INSC: variants seen among roughly 807,000 people sequenced by gnomAD.
INSC encodes the protein protein inscuteable homolog.
A neutral mutation model predicts 58.6 loss-of-function variants in INSC; 67 were observed. The observed-to-expected ratio is 1.14, with a 90% confidence interval of 0.94 to 1.40. The LOEUF (loss-of-function observed/expected upper bound fraction) is 1.40, where lower values mean the gene tolerates loss of function less well. INSC is among the 40% of genes most tolerant of loss of function. INSC has a pLI of 0.00. For missense variants in INSC, 714 were observed against 692.0 expected, an observed-to-expected ratio of 1.03 and a Z score of -0.36; for synonymous variants, 262 against 276.1, an observed-to-expected ratio of 0.95 and a Z score of 0.51.
At chr11:15,177,364 A>T (rs1849609024) in intron 4 of INSC, among the ~76,000 whole-genome samples, 1 of 152,198 alleles carries the variant, frequency 6.6e-6, no homozygotes, top group African/African-American at 2.4e-5. Flanking sequence ...GGGATAGGGT[A>T]AAAGGCAGAG....
At chr11:15,217,449 T>C (rs1012802849) in intron 7 of INSC, among the ~76,000 whole-genome samples, 1 of 152,140 alleles carries the variant, frequency 6.6e-6, no homozygotes. Flanking sequence ...AGAGGCAGGA[T>C]TCAGACGTAG....
chr11:15,194,356 A>G (rs911406855), intron 6 of INSC, among the ~76,000 whole-genome samples: 10 of 152,186 alleles, frequency 6.6e-5, no homozygotes, highest in African/African-American at 2.4e-4. Context: ...CCCACTCGGT[A>G]TCGCAGTCCC....
chr11:15,248,686 A>G (rs1852618266), downstream of INSC, among the ~76,000 whole-genome samples: 2 of 152,324 alleles, frequency 1.3e-5, no homozygotes, highest in South Asian at 4.1e-4. Flanking sequence ...CAGAACTGGA[A>G]GAGATTAAAG....
At chr11:15,230,553 A>G (rs1487779201) in intron 9 of INSC, among the ~76,000 whole-genome samples, 1 of 152,220 alleles carries the variant, frequency 6.6e-6, no homozygotes, top group Non-Finnish European at 1.5e-5. Context: ...TTACAATTCA[A>G]CATGAGATTT....
rs1590008284 is a variant in INSC at position 15,235,652 on chromosome 11, C to T, written c.1221C>T (p.Asp407=). The change falls in exon 10 of 13, where the codon GAC becomes GAT. Residue 407 remains aspartate, a synonymous_variant. Transcript: ENST00000379556. ...CTGTCCTAGAACAGTGTGCCTCTGA[C>T]ATCATTCAGGAAAATGGTATGTCTT... ...NMSVLEQCAS[D]IIQENGVQLI... is the part of the protein sequence containing the mutation. 3.1e-6 allele frequency: 5 copies of T among 1,613,370 alleles called. No homozygotes were observed. Among genetic ancestry groups the T allele is most frequent in the East Asian group, 4.5e-5 (2 of 44,866 alleles).
intron 9 of INSC, among the ~76,000 whole-genome samples, chr11:15,230,223 G>A (rs1270425330): frequency 6.7e-6 from 1 of 150,286 alleles, no homozygotes; most frequent in East Asian, 1.9e-4. Context: ...ACCTAAGACT[G>A]GGTAATTTGT....
chr11:15,196,409 G>A (rs755040228), intron 6 of INSC, among the ~76,000 whole-genome samples: 7 of 152,210 alleles, frequency 4.6e-5, no homozygotes, highest in Non-Finnish European at 7.3e-5. Flanking sequence ...CAGCTCTGGA[G>A]TAGGTGCTAT....
At chr11:15,117,581 T>A (rs1027596983) in intron 1 of INSC, among the ~76,000 whole-genome samples, 16 of 152,236 alleles carry the variant, frequency 1.1e-4, no homozygotes, top group Non-Finnish European at 5.9e-5. Flanking sequence ...GACTTCTAAT[T>A]TCTGCTTTAT....
At chr11:15,159,030 C>T (rs866708846) in intron 2 of INSC, among the ~76,000 whole-genome samples, 1 of 152,182 alleles carries the variant, frequency 6.6e-6, no homozygotes, top group Admixed American at 6.5e-5. Flanking sequence ...CCAGTGTGCA[C>T]TGGCTGTAGG....
At chr11:15,177,248 ATGG>A in intron 4 of INSC, 85 bp downstream of exon 4, 10 of 1,014,990 alleles carry the variant, frequency 9.9e-6, no homozygotes, top group African/African-American at 1.6e-5. Context: ...CAGAGGGAGA[ATGG>A]GAATGGGAGG....
At position 15,129,179 on chromosome 11, in the gene INSC, G is replaced by A. The variant is rs139694079; in HGVS notation, c.-46+14176G>A. On this transcript the variant is annotated intron_variant, in intron 1 of 12. Coordinates refer to ENST00000379556, the MANE Select transcript of INSC (RefSeq NM_001042536.3). ...TCTATTTGTAATTTGGGATCTGTGT[G>A]TGAGAGCTCTGAATAGGTTGCCCCC... Among the ~76,000 whole-genome samples the A allele has an allele frequency of 1.4e-3, 217 of 152,282 alleles. 2 individuals carry two copies. Among genetic ancestry groups the A allele is most frequent in the African/African-American group, 4.9e-3 (205 of 41,554 alleles).
intron 7 of INSC, among the ~76,000 whole-genome samples, chr11:15,217,099 AT>A (rs1238670385): frequency 1.3e-5 from 2 of 152,218 alleles, no homozygotes; most frequent in African/African-American, 4.8e-5. Context: ...AGACTGGGTA[AT>A]TTATAAAGGA....
At position 15,225,769 on chromosome 11, in the gene INSC, G is replaced by T; in HGVS notation, c.1111G>T (p.Val371Phe). The T allele has an allele frequency of 5.6e-6, 9 of 1,614,022 alleles. No homozygotes were observed. The highest frequency in any genetic ancestry group is 7.6e-6 in the Non-Finnish European group (9 of 1,179,960). ...GCTCCTGCAGTTGAATGCCATCCGT[G>T]TTCTCCTGGAAGCCTGCAGTGACAA... ...EMLLQLNAIR[V>F]LLEACSDKQR... is the part of the protein sequence containing the mutation. The change falls in exon 9 of 13, where the codon GTT becomes TTT. Residue 371 changes from valine to phenylalanine, a missense_variant. Transcript: ENST00000379556.
chr11:15,142,227 A>ACT (rs1848388613), intron 1 of INSC, among the ~76,000 whole-genome samples: 1 of 152,158 alleles, frequency 6.6e-6, no homozygotes, highest in South Asian at 2.1e-4. Flanking sequence ...CTCTAAGGTG[A>ACT]AGAAGTCTTC....
At chr11:15,248,382 T>C (rs1204080055), downstream of INSC, among the ~76,000 whole-genome samples, 1 of 152,178 alleles carries the variant, frequency 6.6e-6, no homozygotes, top group Non-Finnish European at 1.5e-5. Flanking sequence ...TTAGTGCAAA[T>C]GTCAATAAGT....
chr11:15,216,602 A>G (rs1290596619), intron 7 of INSC, among the ~76,000 whole-genome samples: 5 of 152,188 alleles, frequency 3.3e-5, no homozygotes, highest in Admixed American at 1.3e-4. Context: ...AGGAGTTGCA[A>G]TTATTCATTG....
chr11:15,182,287 C>G (rs1849808535), intron 5 of INSC, among the ~76,000 whole-genome samples: 1 of 152,102 alleles, frequency 6.6e-6, no homozygotes, highest in Non-Finnish European at 1.5e-5. Context: ...TTAACAGATA[C>G]ATGCTCATCT....
intron 1 of INSC, among the ~76,000 whole-genome samples, chr11:15,123,771 T>C (rs1847926915): frequency 6.6e-6 from 1 of 152,222 alleles, no homozygotes. Flanking sequence ...ATACAGGAGA[T>C]AGAAGGGGTT....
intron 1 of INSC, 94 bp from the exon 2 acceptor site, chr11:15,149,036 C>T (rs1848564998): frequency 7.2e-7 from 1 of 1,392,772 alleles, no homozygotes; most frequent in Non-Finnish European, 9.4e-7. Flanking sequence ...ACCTCTTTGT[C>T]TGCTTTGGTT....
Sources: gnomAD v4.1 joint callset for allele counts (sites outside exome capture counted in the v4.1 genomes callset) on GRCh38, gnomAD v4.1.1 for gene constraint, MANE v1.5 for transcripts, NCBI Gene and HGNC (gene_info 2026-07-23, HGNC 2026-07-21) for gene names.